Variants in TAFA1 observed in about 807,000 individuals in gnomAD.
TAFA1 encodes TAFA chemokine like family member 1.
TAFA1 carries 4 observed loss-of-function variants against 18.5 expected under a neutral mutation model. The ratio of observed to expected loss-of-function variants is 0.22; its 90% CI spans 0.11 to 0.49. The LOEUF (loss-of-function observed/expected upper bound fraction) is 0.49. Among genes scored for constraint, TAFA1 ranks in the 20% least tolerant of loss-of-function variants. TAFA1 has a pLI of 0.98. For synonymous variants in TAFA1, 56 were observed against 55.2 expected, an observed-to-expected ratio of 1.01 and a Z score of -0.06; for missense variants, 147 against 169.0, an observed-to-expected ratio of 0.87 and a Z score of 0.72.
chr3:68,235,536 G>A (rs2107124967), intron 2 of TAFA1, among the ~76,000 whole-genome samples: 1 of 152,258 alleles, frequency 6.6e-6, no homozygotes, highest in Non-Finnish European at 1.5e-5. Flanking sequence ...CAGCTTCTGG[G>A]AATGGAGAAC....
intron 2 of TAFA1, among the ~76,000 whole-genome samples, chr3:68,412,305 G>C (rs1463552465): frequency 2.0e-5 from 3 of 151,736 alleles, no homozygotes; most frequent in Admixed American, 2.0e-4. Flanking sequence ...AATGCTGTTG[G>C]CTCCTTGCTA....
chr3:68,502,302 C>T (rs1364647316), intron 3 of TAFA1, among the ~76,000 whole-genome samples: 1 of 151,924 alleles, frequency 6.6e-6, no homozygotes. Flanking sequence ...CTTTTTATTG[C>T]TTACTCAGAA....
At chr3:68,221,873 C>A (rs2066735247) in intron 2 of TAFA1, among the ~76,000 whole-genome samples, 1 of 151,982 alleles carries the variant, frequency 6.6e-6, no homozygotes, top group Non-Finnish European at 1.5e-5. Flanking sequence ...AATTTGAACA[C>A]AAAAATTGGA....
chr3:68,062,800 C>G (rs1412347543), intron 2 of TAFA1, among the ~76,000 whole-genome samples: 2 of 152,118 alleles, frequency 1.3e-5, no homozygotes, highest in East Asian at 3.8e-4. Flanking sequence ...AGAAGCAGTC[C>G]TCATGGGTTG....
chr3:68,456,126 A>C (rs2071660019), intron 3 of TAFA1, among the ~76,000 whole-genome samples: 1 of 152,124 alleles, frequency 6.6e-6, no homozygotes, highest in African/African-American at 2.4e-5. Context: ...ACAAAGCATC[A>C]ATGGAGCCAA....
intron 2 of TAFA1, among the ~76,000 whole-genome samples, chr3:68,175,001 G>A (rs539782263): frequency 6.6e-6 from 1 of 152,204 alleles, no homozygotes; most frequent in Non-Finnish European, 1.5e-5. Flanking sequence ...GGCTGAAAGG[G>A]GCCAATGAAG....
rs139676916 is a variant in TAFA1 at position 68,091,772 on chromosome 3, A to G, written c.118+85028A>G. ...GCTAACCCAAACGATTTCACAGAAC[A>G]TCAATATCACACAAGACCATGCTGA... On this transcript the variant is annotated intron_variant, in intron 2 of 4. Transcript: ENST00000478136. 3.5e-3 allele frequency among the ~76,000 whole-genome samples: 535 copies of G among 152,256 alleles called. 5 individuals carry two copies. Among genetic ancestry groups the G allele is most frequent in the African/African-American group, 0.012 (499 of 41,552 alleles).
At chr3:68,454,987 C>G (rs1468136840) in intron 3 of TAFA1, among the ~76,000 whole-genome samples, 1 of 152,012 alleles carries the variant, frequency 6.6e-6, no homozygotes, top group Non-Finnish European at 1.5e-5. Flanking sequence ...TACTAATAGC[C>G]CACTGTTGAC....
chr3:68,026,964 G>A (rs1704829759), intron 2 of TAFA1, among the ~76,000 whole-genome samples: 1 of 152,158 alleles, frequency 6.6e-6, no homozygotes, highest in South Asian at 2.1e-4. Context: ...CATGGCAGAA[G>A]GCAAAGGGGA....
chr3:68,212,243 A>G (rs2066606462), intron 2 of TAFA1, among the ~76,000 whole-genome samples: 3 of 151,778 alleles, frequency 2.0e-5, no homozygotes, highest in African/African-American at 7.3e-5. Context: ...AAAAAAAAAA[A>G]ATTAGTGTGG....
chr3:68,437,024 G>GTAATA (rs148658054), intron 3 of TAFA1, among the ~76,000 whole-genome samples: 18,827 of 152,152 alleles, frequency 0.12, 1,590 homozygotes, highest in East Asian at 0.34. Flanking sequence ...ACACAGCAAT[G>GTAATA]TAAACATAAA....
chr3:68,354,729 T>C (rs1047617694), intron 2 of TAFA1, among the ~76,000 whole-genome samples: 1 of 152,020 alleles, frequency 6.6e-6, no homozygotes, highest in South Asian at 2.1e-4. Flanking sequence ...ATTTAGTCTC[T>C]GCTGAGGGCT....
chr3:68,158,085 G>A (rs2065884802), intron 2 of TAFA1, among the ~76,000 whole-genome samples: 1 of 152,060 alleles, frequency 6.6e-6, no homozygotes, highest in Admixed American at 6.6e-5. Flanking sequence ...ATCTGCCCCT[G>A]GAAAGCAACC....
chr3:68,459,718 A>T (rs144732380), intron 3 of TAFA1, among the ~76,000 whole-genome samples: 1 of 152,212 alleles, frequency 6.6e-6, no homozygotes, highest in African/African-American at 2.4e-5. Flanking sequence ...CCTTTTCCCT[A>T]ATTCCCTATT....
chr3:68,460,764 G>A (rs948717794), intron 3 of TAFA1, among the ~76,000 whole-genome samples: 1 of 152,182 alleles, frequency 6.6e-6, no homozygotes, highest in African/African-American at 2.4e-5. Context: ...CCATAGACCT[G>A]GGCTAGGGCC....
At chr3:68,090,077 A>G (rs1012825438) in intron 2 of TAFA1, among the ~76,000 whole-genome samples, 5 of 152,184 alleles carry the variant, frequency 3.3e-5, no homozygotes, top group Non-Finnish European at 5.9e-5. Context: ...TTCAATCACC[A>G]AAGATGTGAA....
intron 3 of TAFA1, among the ~76,000 whole-genome samples, chr3:68,528,871 C>T (rs555614953): frequency 5.3e-5 from 8 of 151,932 alleles, no homozygotes; most frequent in Non-Finnish European, 8.8e-5. Flanking sequence ...TGATTTTATT[C>T]TTTAGAGTAA....
At chr3:68,041,977 G>T (rs566203656) in intron 2 of TAFA1, among the ~76,000 whole-genome samples, 2 of 152,126 alleles carry the variant, frequency 1.3e-5, no homozygotes, top group African/African-American at 4.8e-5. Flanking sequence ...GACACCATCC[G>T]TGCTGTTATC....
At chr3:68,020,365 C>A (rs564262199) in intron 2 of TAFA1, among the ~76,000 whole-genome samples, 1 of 152,260 alleles carries the variant, frequency 6.6e-6, no homozygotes, top group South Asian at 2.1e-4. Flanking sequence ...CACTTATTTG[C>A]TCCAGGCGTG....
Sources: gnomAD v4.1 joint callset for allele counts (sites outside exome capture counted in the v4.1 genomes callset) on GRCh38, gnomAD v4.1.1 for gene constraint, MANE v1.5 for transcripts, NCBI Gene and HGNC (gene_info 2026-07-23, HGNC 2026-07-21) for gene names.